ITPR2: variants seen among roughly 807,000 people sequenced by gnomAD.
ITPR2 encodes inositol 1,4,5-trisphosphate-gated calcium channel ITPR2.
In ITPR2, 207 loss-of-function variants were observed where a neutral mutation model predicts 317.1. The ratio of observed to expected loss-of-function variants is 0.65; its 90% confidence interval spans 0.58 to 0.73. ITPR2 has a LOEUF of 0.73. Ranked by LOEUF, ITPR2 falls within the 30% of genes least tolerant of loss-of-function variation. ITPR2 has a pLI of 0.00. For synonymous variants in ITPR2, 1,156 were observed against 1,149.1 expected (o/e 1.01, Z -0.12); for missense variants, 2,613 against 3,284.0 (o/e 0.80, Z 4.99).
chr12:26,760,645 G>A (rs947272461), intron 2 of ITPR2, among the ~76,000 whole-genome samples: 7 of 152,100 alleles, frequency 4.6e-5, no homozygotes, highest in African/African-American at 1.7e-4. Context: ...GAAAAGGATG[G>A]TTATATATCA....
At chr12:26,597,242 T>C in intron 30 of ITPR2, 108 bp from the exon 31 acceptor site, 1 of 1,213,762 alleles carries the variant, frequency 8.2e-7, no homozygotes, top group Non-Finnish European at 1.2e-6. Flanking sequence ...CGTAAAAACA[T>C]ATATAATACG....
intron 2 of ITPR2, among the ~76,000 whole-genome samples, chr12:26,745,955 C>G (rs1949315382): frequency 6.6e-6 from 1 of 152,160 alleles, no homozygotes; most frequent in Non-Finnish European, 1.5e-5. Context: ...TTCTCAGACT[C>G]CTATAATACT....
chr12:26,641,749 C>A lies in ITPR2; in HGVS notation c.2741-9690G>T, dbSNP rs536889291. Among the ~76,000 whole-genome samples, 7 of 152,236 alleles carry A rather than the reference C, an allele frequency of 4.6e-5. No homozygotes were observed. The East Asian group carries it at 1.2e-3, about 25-fold the overall frequency. On this transcript the variant is annotated intron_variant, in intron 21 of 56. Coordinates refer to ENST00000381340, the MANE Select transcript of ITPR2 (RefSeq NM_002223.4). Reference sequence around the variant, plus strand: ...CCGTTACATAGTTATTCTCCCCCTACTTTACTATGTGCATTTGATTTTTAA... The same window carrying A: ...CCGTTACATAGTTATTCTCCCCCTAATTTACTATGTGCATTTGATTTTTAA...
intron 48 of ITPR2, among the ~76,000 whole-genome samples, chr12:26,432,339 G>A (rs1049384417): frequency 1.3e-5 from 2 of 151,996 alleles, no homozygotes; most frequent in Non-Finnish European, 2.9e-5. Flanking sequence ...CCTCATTTGG[G>A]GTTTGTCTGA....
chr12:26,430,855 A>T (rs1047151066), intron 48 of ITPR2, among the ~76,000 whole-genome samples: 3 of 152,142 alleles, frequency 2.0e-5, no homozygotes, highest in African/African-American at 7.2e-5. Context: ...TGTACAGAAC[A>T]TGCTGCTTCT....
At chr12:26,452,529 G>A (rs1941766662) in intron 45 of ITPR2, among the ~76,000 whole-genome samples, 1 of 152,184 alleles carries the variant, frequency 6.6e-6, no homozygotes, top group South Asian at 2.1e-4. Context: ...TGCATGTGTT[G>A]GAAATTTTGT....
At chr12:26,421,601 CT>C (rs1940893635) in intron 49 of ITPR2, 4 of 152,326 alleles carry the variant, frequency 2.6e-5, no homozygotes, top group African/African-American at 9.6e-5. Flanking sequence ...AACAGTCTCC[CT>C]TTTCATGTCA....
chr12:26,609,642 T>C (rs1265386335), intron 26 of ITPR2, among the ~76,000 whole-genome samples: 1 of 150,810 alleles, frequency 6.6e-6, no homozygotes, highest in Non-Finnish European at 1.5e-5. Flanking sequence ...AAAAAAAAGA[T>C]AGTAACTTAT....
Position 26,595,523 on chromosome 12 carries a change from A to C in ITPR2, c.4322T>G (p.Ile1441Ser). The C allele has an allele frequency of 1.2e-6, 2 of 1,606,996 alleles. No individual in the cohort carries two copies. Among genetic ancestry groups the C allele is most frequent in the Non-Finnish European group, 1.7e-6 (2 of 1,177,646 alleles). The change falls in exon 32 of 57, where the codon ATC (isoleucine) becomes AGC (serine). Residue 1441 changes from isoleucine (I) to serine (S), a missense_variant. Transcript: ENST00000381340. ...YVDTEVEMKE[I>S]YTSNHIWKLF... Reference sequence around the variant, plus strand: ...TTTCCAAATGTGGTTACTTGTATAGATTTCTTTCATTTCCACTTCAGTGTC... The same window carrying C: ...TTTCCAAATGTGGTTACTTGTATAGCTTTCTTTCATTTCCACTTCAGTGTC...
rs1393544553 is a variant in ITPR2, at chr12:26,567,962, A to AT, written c.4631-6011dup. The stretch of plus-strand genomic sequence containing the variant: ...GTATATATATATATTATATATATAT[A>AT]TATATATTATATATATTATATATAT... On this transcript the variant is annotated intron_variant, in intron 34 of 56. Coordinates refer to ENST00000381340, the MANE Select transcript of ITPR2 (RefSeq NM_002223.4). Among the ~76,000 whole-genome samples the AT allele has an allele frequency of 1.1e-3, 28 of 24,856 alleles. 1 individual carries two copies. The highest frequency in any genetic ancestry group is 3.2e-3 in the South Asian group (2 of 624). The allele number at this position is 24,856 out of a possible 152,430, so 16.3% of individuals were successfully genotyped here.
At chr12:26,524,965 A>G (rs546735611) in intron 37 of ITPR2, among the ~76,000 whole-genome samples, 1 of 152,362 alleles carries the variant, frequency 6.6e-6, no homozygotes, top group African/African-American at 2.4e-5. Context: ...CTCAAAATAT[A>G]GATGGAATAA....
At chr12:26,722,936 G>A (rs188805981) in intron 4 of ITPR2, among the ~76,000 whole-genome samples, 24 of 152,170 alleles carry the variant, frequency 1.6e-4, no homozygotes, top group African/African-American at 5.1e-4. Context: ...CTAAAGAAAG[G>A]CCAAGAAACT....
At position 26,622,407 on chromosome 12, in the gene ITPR2, T is replaced by C; in HGVS notation, c.3123-2A>G. Reference sequence around the variant, plus strand: ...AGTTGAACTGGATTTTTTTCTTTTCTATAAAACCAAAAACATTTCTAAAGT... The same window carrying C: ...AGTTGAACTGGATTTTTTTCTTTTCCATAAAACCAAAAACATTTCTAAAGT... On this transcript the variant is annotated splice_acceptor_variant, in intron 24 of 56. Transcript: ENST00000381340. LOFTEE classifies it high-confidence loss of function. 2 of 1,596,238 alleles carry C rather than the reference T, an allele frequency of 1.3e-6. No homozygotes were observed. Among genetic ancestry groups the C allele is most frequent in the Non-Finnish European group, 1.7e-6 (2 of 1,172,766 alleles).
chr12:26,698,861 A>T (rs1333837490), intron 9 of ITPR2, among the ~76,000 whole-genome samples: 3 of 152,122 alleles, frequency 2.0e-5, no homozygotes, highest in Non-Finnish European at 4.4e-5. Flanking sequence ...CTTTCTTCTG[A>T]TTAAAGAAAC....
chr12:26,408,119 T>C (rs1157757088), intron 52 of ITPR2, among the ~76,000 whole-genome samples: 1 of 152,210 alleles, frequency 6.6e-6, no homozygotes, highest in Non-Finnish European at 1.5e-5. Context: ...ATACTCACCT[T>C]ATCTTATAAC....
chr12:26,691,145 G>A (rs1948232433), intron 10 of ITPR2, among the ~76,000 whole-genome samples: 1 of 152,170 alleles, frequency 6.6e-6, no homozygotes, highest in Admixed American at 6.5e-5. Context: ...TCCTTGGAAT[G>A]TGCCCCTCAA....
At chr12:26,396,296 T>C (rs918336063) in intron 54 of ITPR2, among the ~76,000 whole-genome samples, 3 of 152,172 alleles carry the variant, frequency 2.0e-5, no homozygotes, top group Admixed American at 6.5e-5. Context: ...CTCTTCCTGA[T>C]CTCTCTCAGT....
chr12:26,833,124 C>T lies in ITPR2; in HGVS notation c.-343G>A. The T allele has an allele frequency of 7.6e-6, 2 of 261,896 alleles. No individual in the cohort carries two copies. The highest frequency in any genetic ancestry group is 4.5e-5 in the South Asian group (1 of 22,108). 16.2% of individuals were successfully genotyped at this position (261,896 alleles called of 1,614,324 possible). A position where few individuals can be genotyped will look rare whatever the true frequency, so the allele number is the denominator to read the frequency against. On this transcript the variant is annotated 5_prime_UTR_variant, in exon 1 of 57. Coordinates refer to ENST00000381340, the MANE Select transcript of ITPR2 (RefSeq NM_002223.4). ...CTCCTCCTCCTCCTCCTTCCCTCTCCGCTCCCCACTCCGTGTCCACTCCCT... is the reference window on the plus strand; with the variant it reads ...CTCCTCCTCCTCCTCCTTCCCTCTCTGCTCCCCACTCCGTGTCCACTCCCT...
At chr12:26,513,137 G>A (rs1355393576) in intron 37 of ITPR2, among the ~76,000 whole-genome samples, 4 of 152,088 alleles carry the variant, frequency 2.6e-5, no homozygotes, top group East Asian at 1.9e-4. Flanking sequence ...CACCGCGCCC[G>A]GCCGGGAAAC....
Sources: allele counts gnomAD v4.1 joint callset (sites outside exome capture counted in the v4.1 genomes callset), GRCh38; gene constraint gnomAD v4.1.1; transcripts MANE v1.5; gene names NCBI Gene and HGNC (gene_info 2026-07-23, HGNC 2026-07-21).